Variants in UTRN observed in about 807,000 individuals in gnomAD.
UTRN encodes the protein dystrophin-related protein 1.
In UTRN, 283 loss-of-function variants were observed where a neutral mutation model predicts 463.9. That is an observed-to-expected ratio of 0.61 (90% confidence interval 0.55 to 0.67). UTRN has a LOEUF of 0.67. Ranked by LOEUF, UTRN falls within the 30% of genes least tolerant of loss-of-function variation. UTRN has a pLI of 0.00. For synonymous variants in UTRN, 1,442 were observed against 1,431.5 expected (o/e 1.01, Z -0.17); for missense variants, 3,922 against 4,084.3 (o/e 0.96, Z 1.08).
intron 51 of UTRN, among the ~76,000 whole-genome samples, chr6:144,622,747 A>G (rs539778642): frequency 6.6e-6 from 1 of 152,326 alleles, no homozygotes; most frequent in South Asian, 2.1e-4. Flanking sequence ...GGACTTTTAA[A>G]ATATGTTTTC....
At chr6:144,432,215 A>T (rs925505335) in intron 9 of UTRN, among the ~76,000 whole-genome samples, 3 of 151,530 alleles carry the variant, frequency 2.0e-5, no homozygotes, top group African/African-American at 4.9e-5. Context: ...TTCCCCCAAG[A>T]CTCTTGTTCA....
chr6:144,709,566 C>T (rs1785453871), intron 53 of UTRN, among the ~76,000 whole-genome samples: 1 of 152,046 alleles, frequency 6.6e-6, no homozygotes, highest in South Asian at 2.1e-4. Context: ...AGAAAGGGAC[C>T]TTGTACTTGA....
chr6:144,757,507 A>G (rs1024983628), intron 57 of UTRN, among the ~76,000 whole-genome samples: 7 of 152,136 alleles, frequency 4.6e-5, no homozygotes, highest in Non-Finnish European at 8.8e-5. Flanking sequence ...AAAGTAAACA[A>G]TGTTATTAGT....
In UTRN at chr6:144,353,878, CA is replaced by C. The variant is rs535305415; in HGVS notation, c.80-49238del. Among the ~76,000 whole-genome samples, 529 of 151,970 alleles carry C rather than the reference CA, an allele frequency of 3.5e-3. 3 individuals carry two copies. Among genetic ancestry groups the C allele is most frequent in the African/African-American group, 0.012 (495 of 41,344 alleles). On this transcript the variant is annotated intron_variant, in intron 2 of 74. Coordinates refer to ENST00000367545, the MANE Select transcript of UTRN (RefSeq NM_007124.3). Reference sequence around the variant, plus strand: ...AAACAAACACACACAAAAACAAAAACAAAAAAACCAAGGAGCCAAAAATAAA... The same window carrying C: ...AAACAAACACACACAAAAACAAAAACAAAAAACCAAGGAGCCAAAAATAAA...
At chr6:144,713,759 A>G (rs1229219763) in intron 53 of UTRN, among the ~76,000 whole-genome samples, 10 of 151,710 alleles carry the variant, frequency 6.6e-5, no homozygotes, top group Non-Finnish European at 1.3e-4. Flanking sequence ...CGTCTCTACT[A>G]AAAATACAAA....
At chr6:144,481,506 A>C (rs941980580) in intron 26 of UTRN, among the ~76,000 whole-genome samples, 1 of 152,242 alleles carries the variant, frequency 6.6e-6, no homozygotes, top group Non-Finnish European at 1.5e-5. Flanking sequence ...GAACTTTTAA[A>C]GATACTTCTA....
At chr6:144,709,242 G>A (rs1265684654) in intron 53 of UTRN, among the ~76,000 whole-genome samples, 1 of 152,098 alleles carries the variant, frequency 6.6e-6, no homozygotes, top group Non-Finnish European at 1.5e-5. Context: ...ATAACATTAT[G>A]ATGTAGCTTT....
intron 2 of UTRN, among the ~76,000 whole-genome samples, chr6:144,388,054 A>G (rs926341556): frequency 2.0e-5 from 3 of 152,244 alleles, no homozygotes. Context: ...AAAATGTTAC[A>G]GAAGGTATTA....
chr6:144,357,371 G>C (rs1216474832), intron 2 of UTRN, among the ~76,000 whole-genome samples: 1 of 152,204 alleles, frequency 6.6e-6, no homozygotes, highest in African/African-American at 2.4e-5. Context: ...TTTGTTTTCA[G>C]TGACTTCATT....
intron 51 of UTRN, among the ~76,000 whole-genome samples, chr6:144,676,699 C>T (rs577766201): frequency 1.6e-4 from 24 of 151,992 alleles, no homozygotes; most frequent in East Asian, 7.7e-4. Flanking sequence ...CAACAGGCCC[C>T]GGTGTGTGAT....
intron 23 of UTRN, among the ~76,000 whole-genome samples, chr6:144,470,737 A>G (rs1398830508): frequency 1.3e-5 from 2 of 151,936 alleles, no homozygotes; most frequent in African/African-American, 4.8e-5. Context: ...CCTGGGCAAC[A>G]TTGAGCACTG....
chr6:144,418,250 G>A (rs1377736036), intron 3 of UTRN, among the ~76,000 whole-genome samples: 5 of 140,370 alleles, frequency 3.6e-5, no homozygotes, highest in Non-Finnish European at 7.6e-5. Flanking sequence ...GTCTCGCTCT[G>A]TCACCCAGGC....
intron 34 of UTRN, among the ~76,000 whole-genome samples, chr6:144,501,045 C>G (rs1794124984): frequency 6.6e-6 from 1 of 152,178 alleles, no homozygotes; most frequent in African/African-American, 2.4e-5. Context: ...GGTGACACAA[C>G]TCCTGCTTAC....
intron 51 of UTRN, among the ~76,000 whole-genome samples, chr6:144,601,152 T>A (rs1212726554): frequency 6.6e-6 from 1 of 152,218 alleles, no homozygotes; most frequent in East Asian, 1.9e-4. Context: ...AGAGTAATGC[T>A]ATTTTCATGC....
chr6:144,549,677 T>C (rs932547378), intron 47 of UTRN, among the ~76,000 whole-genome samples: 6 of 152,126 alleles, frequency 3.9e-5, no homozygotes, highest in African/African-American at 9.7e-5. Flanking sequence ...ACTTCTCCAG[T>C]GATGGAAAGC....
chr6:144,394,070 A>C (rs1239294222), intron 2 of UTRN, among the ~76,000 whole-genome samples: 1 of 152,194 alleles, frequency 6.6e-6, no homozygotes, highest in Admixed American at 6.5e-5. Context: ...ACTAAATTGA[A>C]GTAAGGAAGC....
intron 58 of UTRN, among the ~76,000 whole-genome samples, chr6:144,763,245 T>C (rs1586444263): frequency 6.6e-6 from 1 of 152,234 alleles, no homozygotes; most frequent in African/African-American, 2.4e-5. Flanking sequence ...TAAAATTTGC[T>C]GTCTTACATT....
At chr6:144,417,193 T>TA (rs892515063) in intron 3 of UTRN, among the ~76,000 whole-genome samples, 2 of 152,196 alleles carry the variant, frequency 1.3e-5, no homozygotes, top group African/African-American at 4.8e-5. Flanking sequence ...GGGGGGCCAC[T>TA]AAATATATCC....
At chr6:144,348,397 T>G (rs562990772) in intron 2 of UTRN, among the ~76,000 whole-genome samples, 7 of 152,304 alleles carry the variant, frequency 4.6e-5, no homozygotes, top group African/African-American at 1.4e-4. Context: ...CTTTGTCATA[T>G]GTTAGGGATT....
Sources: gnomAD v4.1 joint callset for allele counts (sites outside exome capture counted in the v4.1 genomes callset) on GRCh38, gnomAD v4.1.1 for gene constraint, MANE v1.5 for transcripts, NCBI Gene and HGNC (gene_info 2026-07-23, HGNC 2026-07-21) for gene names.